ELF2: variants seen among roughly 807,000 people sequenced by gnomAD.
The protein encoded by ELF2 is E74 like ETS transcription factor 2.
A neutral mutation model predicts 54.8 loss-of-function variants in ELF2; 11 were observed. That is an observed-to-expected ratio of 0.20 (90% CI 0.13 to 0.33). The LOEUF (loss-of-function observed/expected upper bound fraction) is 0.33. Ranked by LOEUF, ELF2 falls within the 10% of genes least tolerant of loss-of-function variation. ELF2 has a pLI of 1.00. For missense variants in ELF2, 513 were observed against 703.0 expected, an observed-to-expected ratio of 0.73 and a Z score of 3.06; for synonymous variants, 203 against 245.1, an observed-to-expected ratio of 0.83 and a Z score of 1.61.
intron 1 of ELF2, among the ~76,000 whole-genome samples, chr4:139,153,325 C>T (rs1245751300): frequency 2.0e-5 from 3 of 152,012 alleles, no homozygotes; most frequent in Non-Finnish European, 4.4e-5. Flanking sequence ...GTCCCAGCTA[C>T]TCAGGAGGCT....
At chr4:139,130,054 A>G (rs191221732) in intron 3 of ELF2, among the ~76,000 whole-genome samples, 72 of 152,260 alleles carry the variant, frequency 4.7e-4, no homozygotes, top group African/African-American at 1.6e-3. Context: ...GCCCTCACCC[A>G]ATCTGACTAT....
At chr4:139,114,791 G>C (rs1735436074) in intron 4 of ELF2, 1 of 1,461,092 alleles carries the variant, frequency 6.8e-7, no homozygotes, top group East Asian at 2.3e-5. Context: ...CAGGGGAAGA[G>C]ACCCCTGGGC....
Position 139,065,319 on chromosome 4 carries a change from A to G in ELF2, c.613+2365T>C, listed in dbSNP as rs143978501. ...ATAGGGGGACCCGTCTCTACAAAAAATTTTAAAATTAGCCAGACACGGTGG... is the reference window on the plus strand; with the variant it reads ...ATAGGGGGACCCGTCTCTACAAAAAGTTTTAAAATTAGCCAGACACGGTGG... On this transcript the variant is annotated intron_variant, in intron 7 of 9. Coordinates refer to ENST00000686138, the MANE Select transcript of ELF2 (RefSeq NM_001331036.3). Among the ~76,000 whole-genome samples, 188 of 152,244 alleles carry G rather than the reference A, an allele frequency of 1.2e-3. 2 individuals are homozygous for G. The highest frequency in any genetic ancestry group is 4.3e-3 in the African/African-American group (180 of 41,550).
chr4:139,094,146 A>G (rs774401319), intron 4 of ELF2, among the ~76,000 whole-genome samples: 65 of 152,076 alleles, frequency 4.3e-4, no homozygotes, highest in Admixed American at 1.5e-3. Flanking sequence ...GTGATCCACC[A>G]CCTCGGCCTC....
At position 139,083,610 on chromosome 4, in the gene ELF2, CG is replaced by C. The variant is rs1173377680; in HGVS notation, c.239-10044del. Among the ~76,000 whole-genome samples, 5 of 152,290 alleles carry C rather than the reference CG, an allele frequency of 3.3e-5. No homozygotes were observed. The East Asian group carries it at 9.7e-4, about 29-fold the overall frequency. Reference sequence around the variant, plus strand: ...ATCGCCCCTGGCTGCCTGGTCCATGCGGAAGTCATGGAATTGTGGACGAAGT... The same window carrying C: ...ATCGCCCCTGGCTGCCTGGTCCATGCGAAGTCATGGAATTGTGGACGAAGT... On this transcript the variant is annotated intron_variant, in intron 4 of 9. Coordinates refer to ENST00000686138, the MANE Select transcript of ELF2 (RefSeq NM_001331036.3).
chr4:139,164,235 A>G (rs1364420290), intron 1 of ELF2, among the ~76,000 whole-genome samples: 2 of 149,930 alleles, frequency 1.3e-5, no homozygotes, highest in African/African-American at 4.9e-5. Context: ...GGAAAGAGAT[A>G]GAGAAGGAAG....
Position 139,060,321 on chromosome 4 carries a change from T to C in ELF2, c.1157+3A>G. On this transcript the variant is annotated splice_donor_region_variant and intron_variant, in intron 9 of 9. Coordinates refer to ENST00000686138, the MANE Select transcript of ELF2 (RefSeq NM_001331036.3). ...ATTGTAACTAATGGTTTGCTTCACT[T>C]ACCTTGGAGCTGCTGTTGCTGACAC... 1 of 1,581,456 alleles carries C rather than the reference T, an allele frequency of 6.3e-7. No homozygotes were observed. Among genetic ancestry groups the C allele is most frequent in the Non-Finnish European group, 8.6e-7 (1 of 1,165,946 alleles).
rs975248981 is a variant in ELF2 at position 139,057,786 on chromosome 4, T to A, written c.*1197A>T. On this transcript the variant is annotated 3_prime_UTR_variant, in exon 10 of 10. Coordinates refer to ENST00000686138, the MANE Select transcript of ELF2 (RefSeq NM_001331036.3). Reference sequence around the variant, plus strand: ...TGGGAAGGAGAAGAGAGATGTTTTATCACTTCCTAACTAAAACACTTCTAT... The same window carrying A: ...TGGGAAGGAGAAGAGAGATGTTTTAACACTTCCTAACTAAAACACTTCTAT... The A allele has an allele frequency of 6.6e-6, 1 of 152,488 alleles. No individual in the cohort carries two copies. Among genetic ancestry groups the A allele is most frequent in the African/African-American group, 2.4e-5 (1 of 41,454 alleles). The allele number at this position is 152,488 out of a possible 1,614,324, so 9.4% of individuals were successfully genotyped here. A position where few individuals can be genotyped will look rare whatever the true frequency, so the allele number is the denominator to read the frequency against.
At chr4:139,071,778 A>G in intron 6 of ELF2, 88 bp downstream of exon 6, 2 of 1,206,704 alleles carry the variant, frequency 1.7e-6, no homozygotes, top group Non-Finnish European at 2.3e-6. Flanking sequence ...AATCTACAGC[A>G]TATACTACTT....
chr4:139,175,661 G>T (rs987255909), intron 1 of ELF2, among the ~76,000 whole-genome samples: 1 of 152,132 alleles, frequency 6.6e-6, no homozygotes, highest in East Asian at 1.9e-4. Flanking sequence ...TTTACTTCAG[G>T]ATAGAGAATC....
At chr4:139,113,669 A>G (rs1229929741) in intron 4 of ELF2, among the ~76,000 whole-genome samples, 1 of 152,088 alleles carries the variant, frequency 6.6e-6, no homozygotes, top group African/African-American at 2.4e-5. Context: ...AGCCTGGCCA[A>G]CATGGTGAAA....
At chr4:139,074,440 G>A (rs1030566073) in intron 4 of ELF2, among the ~76,000 whole-genome samples, 6 of 152,158 alleles carry the variant, frequency 3.9e-5, no homozygotes, top group African/African-American at 7.2e-5. Context: ...CAAGGGTTCC[G>A]CATCAGCAGA....
At chr4:139,085,157 A>G (rs527699568) in intron 4 of ELF2, among the ~76,000 whole-genome samples, 1 of 152,362 alleles carries the variant, frequency 6.6e-6, no homozygotes, top group South Asian at 2.1e-4. Flanking sequence ...AATACAATGG[A>G]CAAGGGAGAT....
chr4:139,115,106 T>A, intron 4 of ELF2: 1 of 1,613,824 alleles, frequency 6.2e-7, no homozygotes, highest in African/African-American at 1.3e-5. Flanking sequence ...AGTTCTGGGA[T>A]CTCCTCTTCC....
chr4:139,103,631 T>TA (rs1734135014), intron 4 of ELF2, among the ~76,000 whole-genome samples: 1 of 152,244 alleles, frequency 6.6e-6, no homozygotes, highest in Admixed American at 6.5e-5. Flanking sequence ...TTCATCTGTA[T>TA]CCTTTAAATA....
chr4:139,122,659 G>A (rs1177485754), intron 4 of ELF2, among the ~76,000 whole-genome samples: 4 of 151,598 alleles, frequency 2.6e-5, no homozygotes, highest in East Asian at 2.0e-4. Context: ...ATGCCACCAC[G>A]CCCAGCTAAT....
At position 139,065,508 on chromosome 4, in the gene ELF2, G is replaced by T. The variant is rs1005332876; in HGVS notation, c.613+2176C>A. Reference sequence around the variant, plus strand: ...AAAAATTATTAAAAATTATATTTCTGGTTTTAGGGAAAACAGGATTCAGAA... The same window carrying T: ...AAAAATTATTAAAAATTATATTTCTTGTTTTAGGGAAAACAGGATTCAGAA... On this transcript the variant is annotated intron_variant, in intron 7 of 9. Transcript: ENST00000686138. Among the ~76,000 whole-genome samples the T allele has an allele frequency of 1.7e-4, 26 of 152,048 alleles. 1 individual carries two copies. Among genetic ancestry groups the T allele is most frequent in the Non-Finnish European group, 2.9e-5 (2 of 68,024 alleles).
At chr4:139,094,142 C>T (rs1732989131) in intron 4 of ELF2, among the ~76,000 whole-genome samples, 1 of 152,026 alleles carries the variant, frequency 6.6e-6, no homozygotes, top group East Asian at 1.9e-4. Context: ...TCAGGTGATC[C>T]ACCACCTCGG....
At chr4:139,064,915 A>G (rs1193461473) in intron 7 of ELF2, among the ~76,000 whole-genome samples, 2 of 152,122 alleles carry the variant, frequency 1.3e-5, no homozygotes, top group Non-Finnish European at 2.9e-5. Flanking sequence ...AACAAAAAAA[A>G]TGACTTTTAA....
Sources: gnomAD v4.1 joint callset for allele counts (sites outside exome capture counted in the v4.1 genomes callset) on GRCh38, gnomAD v4.1.1 for gene constraint, MANE v1.5 for transcripts, NCBI Gene and HGNC (gene_info 2026-07-23, HGNC 2026-07-21) for gene names.